MAGI1: variants seen among roughly 807,000 people sequenced by gnomAD.
The protein encoded by MAGI1 is membrane associated guanylate kinase, WW and PDZ domain containing 1, also known as membrane-associated guanylate kinase, WW and PDZ domain-containing protein 1.
A neutral mutation model predicts 139.9 loss-of-function variants in MAGI1; 58 were observed. The ratio of observed to expected loss-of-function variants is 0.41; its 90% confidence interval spans 0.34 to 0.52. MAGI1 has a LOEUF of 0.52. Ranked by LOEUF, MAGI1 falls within the 20% of genes least tolerant of loss-of-function variation. MAGI1 has a pLI of 0.12. For synonymous variants in MAGI1, 812 were observed against 737.9 expected, an observed-to-expected ratio of 1.10 and a Z score of -1.63; for missense variants, 1,874 against 1,901.6, an observed-to-expected ratio of 0.99 and a Z score of 0.27.
intron 1 of MAGI1, among the ~76,000 whole-genome samples, chr3:65,790,946 G>A (rs1340581118): frequency 1.3e-5 from 2 of 152,032 alleles, no homozygotes; most frequent in Non-Finnish European, 2.9e-5. Context: ...GTGGTGGCAT[G>A]CGCCTGTAAT....
Position 65,442,839 on chromosome 3 carries a change from A to G in MAGI1, c.1089T>C (p.Ala363=). ...CAGGGTCTTCAATCTTTTCCCAACC[A>G]GCAGGCAGTTCTGAAAAATAAAAGA... ...EELDSELELP[A]GWEKIEDPVY... The change falls in exon 8 of 23, where the codon GCT becomes GCC. Residue 363 remains alanine (A), a synonymous_variant. Coordinates refer to ENST00000402939, the MANE Select transcript of MAGI1 (RefSeq NM_001033057.2). 1.9e-6 allele frequency: 3 copies of G among 1,613,172 alleles called. No homozygotes were observed. The highest frequency in any genetic ancestry group is 1.7e-6 in the Non-Finnish European group (2 of 1,179,332).
intron 2 of MAGI1, among the ~76,000 whole-genome samples, chr3:65,523,345 TCA>T (rs2107808543): frequency 6.7e-6 from 1 of 149,264 alleles, no homozygotes; most frequent in South Asian, 2.1e-4. Context: ...GTTACTGGAG[TCA>T]CTATAAACAC....
intron 1 of MAGI1, among the ~76,000 whole-genome samples, chr3:66,027,677 A>G (rs1307250686): frequency 2.6e-5 from 4 of 152,208 alleles, no homozygotes; most frequent in Non-Finnish European, 5.9e-5. Context: ...GAGGAACAAT[A>G]AATAATAGTT....
intron 1 of MAGI1, among the ~76,000 whole-genome samples, chr3:65,977,225 G>A (rs890643096): frequency 1.3e-5 from 2 of 152,066 alleles, no homozygotes; most frequent in Non-Finnish European, 2.9e-5. Context: ...CCACCATCCC[G>A]CAGTGGCATA....
intron 1 of MAGI1, among the ~76,000 whole-genome samples, chr3:65,963,203 TG>T (rs1474708985): frequency 1.3e-5 from 2 of 149,038 alleles, no homozygotes; most frequent in African/African-American, 2.5e-5. Context: ...TCCCAGCTAC[TG>T]GGAAGGCTGA....
At position 65,791,440 on chromosome 3, in the gene MAGI1, A is replaced by T. The variant is rs544840692; in HGVS notation, c.314-169352T>A. Among the ~76,000 whole-genome samples, 7 of 152,314 alleles carry T rather than the reference A, an allele frequency of 4.6e-5. No individual in the cohort carries two copies. The South Asian group carries it at 1.5e-3, about 32-fold the overall frequency. Reference sequence around the variant, plus strand: ...ACATTCAAAAGCACACTGCTGAAAAAATACTAATATTAGAAAATATTTAAG... The same window carrying T: ...ACATTCAAAAGCACACTGCTGAAAATATACTAATATTAGAAAATATTTAAG... On this transcript the variant is annotated intron_variant, in intron 1 of 22. Coordinates refer to ENST00000402939, the MANE Select transcript of MAGI1 (RefSeq NM_001033057.2).
At chr3:65,656,207 T>C (rs17073288) in intron 1 of MAGI1, among the ~76,000 whole-genome samples, 2,673 of 152,212 alleles carry the variant, frequency 0.018, 78 homozygotes, top group African/African-American at 0.061. Context: ...TTCTGGACCA[T>C]ATATTGAGAA....
chr3:66,034,819 C>G (rs902858844), intron 1 of MAGI1, among the ~76,000 whole-genome samples: 2 of 151,890 alleles, frequency 1.3e-5, no homozygotes, highest in African/African-American at 4.8e-5. Flanking sequence ...AAAAGCCAAA[C>G]ACAAAAGAGT....
At chr3:65,629,656 G>A (rs75848330) in intron 1 of MAGI1, among the ~76,000 whole-genome samples, 12,203 of 151,792 alleles carry the variant, frequency 0.08, 695 homozygotes, top group Middle Eastern at 0.12. Flanking sequence ...AAATTAGCTT[G>A]TTTTATAGTC....
chr3:65,833,011 T>C (rs572304098), intron 1 of MAGI1, among the ~76,000 whole-genome samples: 62 of 152,308 alleles, frequency 4.1e-4, no homozygotes, highest in Middle Eastern at 3.4e-3. Context: ...CCCATTTGTA[T>C]GGATGAAGTG....
At chr3:65,995,289 T>A (rs1372023938) in intron 1 of MAGI1, among the ~76,000 whole-genome samples, 3 of 152,174 alleles carry the variant, frequency 2.0e-5, no homozygotes. Flanking sequence ...GATGGACTTG[T>A]TACACAATGG....
intron 1 of MAGI1, among the ~76,000 whole-genome samples, chr3:65,739,431 C>A (rs548165190): frequency 8.3e-4 from 127 of 152,290 alleles, no homozygotes; most frequent in Non-Finnish European, 1.5e-3. Flanking sequence ...ACTTTCTTGC[C>A]ATTCGTGTGC....
intron 12 of MAGI1, among the ~76,000 whole-genome samples, chr3:65,404,324 T>C (rs561287491): frequency 6.6e-6 from 1 of 152,350 alleles, no homozygotes; most frequent in East Asian, 1.9e-4. Flanking sequence ...AGTTGAGGTC[T>C]GTTTCCTCTG....
chr3:66,037,118 TG>T (rs2068969099), intron 1 of MAGI1, among the ~76,000 whole-genome samples: 1 of 152,196 alleles, frequency 6.6e-6, no homozygotes, highest in South Asian at 2.1e-4. Flanking sequence ...GGCAACTGTG[TG>T]ACCTTGAGCA....
rs77887631 is a variant in MAGI1, at chr3:65,834,348, A to G, written c.313+203648T>C. Among the ~76,000 whole-genome samples the G allele has an allele frequency of 4.1e-3, 630 of 152,358 alleles. 7 individuals carry two copies. The highest frequency in any genetic ancestry group is 0.032 in the Admixed American group (489 of 15,308). On this transcript the variant is annotated intron_variant, in intron 1 of 22. Coordinates refer to ENST00000402939, the MANE Select transcript of MAGI1 (RefSeq NM_001033057.2). ...ACAGAAACCTCAAACAGTGTGAATG[A>G]GCTTAACATGTTCAGGAAATAGCTC...
intron 1 of MAGI1, among the ~76,000 whole-genome samples, chr3:65,889,710 T>C (rs1007737767): frequency 1.3e-5 from 2 of 152,148 alleles, no homozygotes; most frequent in Non-Finnish European, 2.9e-5. Context: ...AGGAAAATAA[T>C]AATGTCAGTT....
chr3:65,691,761 T>C (rs749496030), intron 1 of MAGI1, among the ~76,000 whole-genome samples: 32 of 152,200 alleles, frequency 2.1e-4, no homozygotes, highest in Non-Finnish European at 3.8e-4. Context: ...GTCAGCATTA[T>C]AGTACATTTA....
chr3:65,494,230 G>A (rs781542439), intron 2 of MAGI1, among the ~76,000 whole-genome samples: 3 of 152,262 alleles, frequency 2.0e-5, no homozygotes, highest in South Asian at 2.1e-4. Flanking sequence ...AAAAGAGGCC[G>A]TCCATGAATT....
chr3:65,926,365 C>CTCTCTT (rs1321065249), intron 1 of MAGI1, among the ~76,000 whole-genome samples: 2 of 151,364 alleles, frequency 1.3e-5, no homozygotes, highest in East Asian at 3.9e-4. Context: ...CTCTCTCTCT[C>CTCTCTT]TCTCCCTCTT....
Sources: allele counts gnomAD v4.1 joint callset (sites outside exome capture counted in the v4.1 genomes callset), GRCh38; gene constraint gnomAD v4.1.1; transcripts MANE v1.5; gene names NCBI Gene and HGNC (gene_info 2026-07-23, HGNC 2026-07-21).